The following SORCS3 variants were observed in gnomAD, a reference collection of about 807,000 sequenced individuals.
SORCS3 encodes sortilin related VPS10 domain containing receptor 3.
SORCS3 carries 57 observed loss-of-function variants against 146.3 expected under a neutral mutation model. That is an observed-to-expected ratio of 0.39 (90% CI 0.31 to 0.49). The LOEUF (loss-of-function observed/expected upper bound fraction) is 0.49. SORCS3 is among the 20% of genes least tolerant of loss of function. The probability of loss-of-function intolerance (pLI) is 0.92; values close to 1 mark genes in which losing one functional copy is unlikely to be tolerated. For missense variants in SORCS3, 1,341 were observed against 1,575.5 expected (o/e 0.85, Z 2.52); for synonymous variants, 653 against 618.5 (o/e 1.06, Z -0.83).
At chr10:104,881,220 C>T (rs2018627262) in intron 2 of SORCS3, among the ~76,000 whole-genome samples, 1 of 152,120 alleles carries the variant, frequency 6.6e-6, no homozygotes, top group Non-Finnish European at 1.5e-5. Context: ...ATGCACAGTA[C>T]AATGAGAGAT....
intron 1 of SORCS3, among the ~76,000 whole-genome samples, chr10:104,834,071 A>G (rs746286166): frequency 2.0e-5 from 3 of 152,104 alleles, no homozygotes; most frequent in Non-Finnish European, 2.9e-5. Flanking sequence ...TTTAAAATAT[A>G]TTTAGATCCT....
intron 20 of SORCS3, among the ~76,000 whole-genome samples, chr10:105,242,499 T>C (rs868044384): frequency 2.9e-4 from 24 of 83,248 alleles, no homozygotes; most frequent in African/African-American, 6.6e-4. Flanking sequence ...TATTTATATA[T>C]ATTTATATAT....
chr10:104,842,247 A>G (rs903761383), intron 1 of SORCS3, among the ~76,000 whole-genome samples: 3 of 152,244 alleles, frequency 2.0e-5, no homozygotes, highest in Non-Finnish European at 2.9e-5. Flanking sequence ...GGCAGATGGT[A>G]TCAGGGGATG....
chr10:104,760,751 C>G (rs139487580), intron 1 of SORCS3, among the ~76,000 whole-genome samples: 149 of 152,244 alleles, frequency 9.8e-4, no homozygotes, highest in Middle Eastern at 3.4e-3. Context: ...AGGAAGGAAA[C>G]AGCTAGGACT....
At chr10:104,801,342 C>T (rs2017621854) in intron 1 of SORCS3, among the ~76,000 whole-genome samples, 1 of 152,220 alleles carries the variant, frequency 6.6e-6, no homozygotes, top group Non-Finnish European at 1.5e-5. Context: ...GCAGGCTCTG[C>T]AGCCCAACAG....
At chr10:104,692,874 A>G (rs1354840700) in intron 1 of SORCS3, among the ~76,000 whole-genome samples, 3 of 152,228 alleles carry the variant, frequency 2.0e-5, no homozygotes, top group African/African-American at 7.2e-5. Context: ...CTTCAGTTGA[A>G]TCAGAATCAT....
At chr10:104,960,386 A>G (rs931761275) in intron 3 of SORCS3, among the ~76,000 whole-genome samples, 1 of 152,140 alleles carries the variant, frequency 6.6e-6, no homozygotes, top group Non-Finnish European at 1.5e-5. Context: ...TATTTATAAG[A>G]AACAGGATTC....
At position 105,147,825 on chromosome 10, in the gene SORCS3, G is replaced by C. The variant is rs574073033; in HGVS notation, c.1482+29G>C. 6 of 1,588,018 alleles carry C rather than the reference G, an allele frequency of 3.8e-6. No homozygotes were observed. In the African/African-American group the frequency reaches 8.1e-5, roughly 21 times the overall value. ...TGTAGCCAAAATTCTCCTTCCCTTG[G>C]GTCTGTCTCTCTTTTTCCTGAGTTT... On this transcript the variant is annotated intron_variant, in intron 9 of 26. Transcript: ENST00000369701.
intron 1 of SORCS3, among the ~76,000 whole-genome samples, chr10:104,648,842 T>C (rs2015526441): frequency 6.6e-6 from 1 of 152,250 alleles, no homozygotes; most frequent in South Asian, 2.1e-4. Context: ...ATTGCACAGA[T>C]TGTTTTCTGC....
intron 1 of SORCS3, among the ~76,000 whole-genome samples, chr10:104,721,478 AT>A (rs1462218869): frequency 6.6e-6 from 1 of 151,926 alleles, no homozygotes; most frequent in Admixed American, 6.6e-5. Context: ...TTGGTTCCAT[AT>A]GAACTTTAAA....
At position 104,808,838 on chromosome 10, in the gene SORCS3, A is replaced by G. The variant is rs184386003; in HGVS notation, c.628-33954A>G. ...AGTTAAGGGAGTGGAGGCTCAGAGA[A>G]CAGAGAATGAAGTAACCTGTCAAAA... is the stretch of plus-strand genomic sequence containing the variant. On this transcript the variant is annotated intron_variant, in intron 1 of 26. Coordinates refer to ENST00000369701, the MANE Select transcript of SORCS3 (RefSeq NM_014978.3). 2.6e-5 allele frequency among the ~76,000 whole-genome samples: 4 copies of G among 152,342 alleles called. No individual in the cohort carries two copies. The East Asian group carries it at 7.7e-4, about 29-fold the overall frequency.
chr10:104,890,943 A>G (rs966413999), intron 2 of SORCS3, among the ~76,000 whole-genome samples: 1 of 152,304 alleles, frequency 6.6e-6, no homozygotes, highest in Middle Eastern at 3.4e-3. Flanking sequence ...TGTGTTGTAG[A>G]TATCTGCTTC....
intron 3 of SORCS3, among the ~76,000 whole-genome samples, chr10:104,933,716 A>G (rs1211658007): frequency 6.6e-6 from 1 of 152,198 alleles, no homozygotes; most frequent in Non-Finnish European, 1.5e-5. Flanking sequence ...GCTATTTATT[A>G]TCATTCCCAT....
intron 7 of SORCS3, among the ~76,000 whole-genome samples, chr10:105,136,220 C>A (rs117518258): frequency 2.6e-5 from 4 of 152,152 alleles, no homozygotes; most frequent in Admixed American, 2.0e-4. Context: ...AAGACCCCTG[C>A]AGGTTTGATG....
chr10:104,973,980 T>C (rs190062982), intron 3 of SORCS3, among the ~76,000 whole-genome samples: 10 of 152,264 alleles, frequency 6.6e-5, no homozygotes, highest in Admixed American at 6.5e-4. Flanking sequence ...GAGCAGGTTG[T>C]TCAGTTTCCA....
At chr10:105,069,078 A>G (rs2055540449) in intron 5 of SORCS3, among the ~76,000 whole-genome samples, 1 of 152,230 alleles carries the variant, frequency 6.6e-6, no homozygotes, top group East Asian at 1.9e-4. Context: ...ATCCTTTAGC[A>G]TGACACAGAA....
intron 1 of SORCS3, among the ~76,000 whole-genome samples, chr10:104,681,602 G>T (rs1174154732): frequency 6.6e-6 from 1 of 152,148 alleles, no homozygotes; most frequent in Non-Finnish European, 1.5e-5. Flanking sequence ...TCTGAGCCTA[G>T]GTTCTTTCTC....
chr10:105,222,583 T>C (rs2056710326), intron 19 of SORCS3, among the ~76,000 whole-genome samples: 1 of 152,204 alleles, frequency 6.6e-6, no homozygotes, highest in Non-Finnish European at 1.5e-5. Context: ...TAGTTTGATT[T>C]AGGGAGATAT....
chr10:104,725,659 T>G (rs1173391262), intron 1 of SORCS3, among the ~76,000 whole-genome samples: 1 of 152,218 alleles, frequency 6.6e-6, no homozygotes, highest in Non-Finnish European at 1.5e-5. Context: ...GTTTACCTAC[T>G]CAAGCCTCGG....
Sources: allele counts gnomAD v4.1 joint callset (sites outside exome capture counted in the v4.1 genomes callset), GRCh38; gene constraint gnomAD v4.1.1; transcripts MANE v1.5; gene names NCBI Gene and HGNC (gene_info 2026-07-23, HGNC 2026-07-21).